The following EPS8 variants were observed in gnomAD, a reference collection of about 807,000 sequenced individuals.
EPS8 encodes the protein EGFR pathway substrate 8, signaling adaptor, also known as epidermal growth factor receptor kinase substrate 8.
EPS8 carries 42 observed loss-of-function variants against 103.8 expected under a neutral mutation model. That is an observed-to-expected ratio of 0.40 (90% CI 0.32 to 0.52). The LOEUF (loss-of-function observed/expected upper bound fraction) is 0.52. Among genes scored for constraint, EPS8 ranks in the 20% least tolerant of loss-of-function variants. The probability of loss-of-function intolerance (pLI) is 0.40; values close to 1 mark genes in which losing one functional copy is unlikely to be tolerated. For synonymous variants in EPS8, 344 were observed against 344.6 expected, an observed-to-expected ratio of 1.00 and a Z score of 0.02; for missense variants, 969 against 1,005.1, an observed-to-expected ratio of 0.96 and a Z score of 0.49.
intron 13 of EPS8, 126 bp downstream of exon 13, chr12:15,654,019 G>T: frequency 1.2e-6 from 1 of 849,420 alleles, no homozygotes; most frequent in Non-Finnish European, 1.8e-6. Context: ...TAGCCTTTAA[G>T]GGTTTAGGTT....
intron 18 of EPS8, 48 bp from the exon 19 acceptor site, chr12:15,624,455 C>T (rs1944911992): frequency 7.1e-7 from 1 of 1,399,174 alleles, no homozygotes; most frequent in South Asian, 1.4e-5. Context: ...CCTAATATTA[C>T]ATCACCCTCT....
chr12:15,647,666 A>T (rs1255832265), intron 14 of EPS8, among the ~76,000 whole-genome samples: 1 of 152,230 alleles, frequency 6.6e-6, no homozygotes. Context: ...TAAGGGAAAC[A>T]CAGAAAGGCA....
At position 15,733,478 on chromosome 12, in the gene EPS8, A is replaced by T. The variant is rs1946738547; in HGVS notation, c.-21-50506T>A. Among the ~76,000 whole-genome samples the T allele has an allele frequency of 6.6e-6, 1 of 152,244 alleles. No individual in the cohort carries two copies. On this transcript the variant is annotated intron_variant, in intron 1 of 20. Transcript: ENST00000281172. The surrounding 1 kb of genome is among the most constrained non-coding windows in gnomAD (Gnocchi z 4.8). The stretch of plus-strand genomic sequence containing the variant: ...AGATGAGATTTGGGTGAGGACACAG[A>T]GCCAATCCATATCATATTGTTCATT...
intron 18 of EPS8, 54 bp downstream of exon 18, chr12:15,631,387 CT>C (rs1945042049): frequency 6.2e-7 from 1 of 1,607,590 alleles, no homozygotes. Context: ...CAATATTTTA[CT>C]TAGTAGTGCT....
In EPS8 at chr12:15,771,033, AT is replaced by A. The variant is rs1210151818; in HGVS notation, c.-22+18127del. 6.6e-6 allele frequency among the ~76,000 whole-genome samples: 1 copy of A among 152,214 alleles called. No individual in the cohort carries two copies. The highest frequency in any genetic ancestry group is 2.4e-5 in the African/African-American group (1 of 41,452). ...CTGGTATCAGGTAACACACATGTAT[AT>A]AAATTACAGTTCACGAAAGAAAATA... On this transcript the variant is annotated intron_variant, in intron 1 of 20. Transcript: ENST00000281172. The surrounding 1 kb of genome is among the most constrained non-coding windows in gnomAD (Gnocchi z 4.6).
Position 15,759,482 on chromosome 12 carries a change from G to C in EPS8, c.-22+29679C>G, listed in dbSNP as rs1224436002. 6.6e-6 allele frequency among the ~76,000 whole-genome samples: 1 copy of C among 152,048 alleles called. No individual in the cohort carries two copies. The highest frequency in any genetic ancestry group is 1.9e-4 in the East Asian group (1 of 5,200). ...ACCTTTATACACTAAAAAGTCTTCA[G>C]TCTCTTAAACTTCAGTAGGAAAAAC... is the stretch of plus-strand genomic sequence containing the variant. On this transcript the variant is annotated intron_variant, in intron 1 of 20. Coordinates refer to ENST00000281172, the MANE Select transcript of EPS8 (RefSeq NM_004447.6). The surrounding 1 kb of genome is among the most constrained non-coding windows in gnomAD (Gnocchi z 4.9).
chr12:15,745,300 A>G lies in EPS8; in HGVS notation c.-22+43861T>C, dbSNP rs1225697879. 6.6e-6 allele frequency among the ~76,000 whole-genome samples: 1 copy of G among 152,216 alleles called. No homozygotes were observed. Among genetic ancestry groups the G allele is most frequent in the Non-Finnish European group, 1.5e-5 (1 of 68,030 alleles). ...ATTTTAGTTTCCTCACCTGAAAAAC[A>G]AAAGAACTAGAGTAGATCAGGATAG... On this transcript the variant is annotated intron_variant, in intron 1 of 20. Coordinates refer to ENST00000281172, the MANE Select transcript of EPS8 (RefSeq NM_004447.6). The surrounding 1 kb of genome is among the most constrained non-coding windows in gnomAD (Gnocchi z 4.6).
At chr12:15,754,860 T>A (rs78915504) in intron 1 of EPS8, among the ~76,000 whole-genome samples, 1 of 152,234 alleles carries the variant, frequency 6.6e-6, no homozygotes, top group Non-Finnish European at 1.5e-5. Context: ...GATATTGTGA[T>A]GTGACAAGGC....
At chr12:15,786,625 T>G (rs2136061733) in intron 1 of EPS8, among the ~76,000 whole-genome samples, 1 of 152,226 alleles carries the variant, frequency 6.6e-6, no homozygotes, top group Non-Finnish European at 1.5e-5. Flanking sequence ...ACACCGTATT[T>G]GTAGCTTTCC....
At chr12:15,689,971 G>A (rs1319433322) in intron 1 of EPS8, among the ~76,000 whole-genome samples, 1 of 152,094 alleles carries the variant, frequency 6.6e-6, no homozygotes, top group Non-Finnish European at 1.5e-5. Flanking sequence ...TGTATTAAAT[G>A]GCATCTAAAA....
At chr12:15,634,595 C>T in intron 17 of EPS8, 1 of 393,692 alleles carries the variant, frequency 2.5e-6, no homozygotes, top group Non-Finnish European at 4.5e-6. Flanking sequence ...CTAAATTACA[C>T]ATTTTTCCTC....
At chr12:15,673,435 T>A (rs2135860028) in intron 3 of EPS8, among the ~76,000 whole-genome samples, 1 of 152,308 alleles carries the variant, frequency 6.6e-6, no homozygotes, top group Non-Finnish European at 1.5e-5. Context: ...ATTTCTTTTT[T>A]ATGAGAATCA....
intron 1 of EPS8, among the ~76,000 whole-genome samples, chr12:15,718,353 G>C (rs1323085093): frequency 6.6e-6 from 1 of 152,076 alleles, no homozygotes; most frequent in Admixed American, 6.5e-5. Flanking sequence ...TAACCAAATA[G>C]TCACAAAACC....
At chr12:15,643,091 T>C (rs574228359) in intron 15 of EPS8, among the ~76,000 whole-genome samples, 3 of 152,332 alleles carry the variant, frequency 2.0e-5, no homozygotes, top group South Asian at 4.1e-4. Context: ...ATAGCTCTGC[T>C]TTCATTTACT....
rs552870307 is a variant in EPS8, at chr12:15,733,357, T to C, written c.-21-50385A>G. ...AGATCTCATGAGAACTCACTCTCTATCGTGAGAACAGCATGGGGAAAACCA... is the reference window on the plus strand; with the variant it reads ...AGATCTCATGAGAACTCACTCTCTACCGTGAGAACAGCATGGGGAAAACCA... On this transcript the variant is annotated intron_variant, in intron 1 of 20. Transcript: ENST00000281172. This position sits in a 1 kb window ranked among gnomAD's most constrained non-coding sequence, Gnocchi z 4.8. Among the ~76,000 whole-genome samples the C allele has an allele frequency of 2.0e-5, 3 of 152,240 alleles. 1 individual carries two copies. The highest frequency in any genetic ancestry group is 7.2e-5 in the African/African-American group (3 of 41,524).
chr12:15,666,324 A>C (rs1402317037), intron 7 of EPS8, 116 bp downstream of exon 7: 3 of 717,408 alleles, frequency 4.2e-6, no homozygotes, highest in Non-Finnish European at 6.9e-6. Context: ...ACTACAGGTT[A>C]TGATCTATAC....
In EPS8 at chr12:15,787,568, G is replaced by GA. The variant is rs956294408; in HGVS notation, c.-22+1592dup. Among the ~76,000 whole-genome samples, 10 of 152,180 alleles carry GA rather than the reference G, an allele frequency of 6.6e-5. No homozygotes were observed. The highest frequency in any genetic ancestry group is 2.4e-4 in the African/African-American group (10 of 41,540). ...ATAATATTCAATGACATTGGGAAGT[G>GA]AAAAAAATTACAAAGAGAATGCACC... On this transcript the variant is annotated intron_variant, in intron 1 of 20. Coordinates refer to ENST00000281172, the MANE Select transcript of EPS8 (RefSeq NM_004447.6). This position sits in a 1 kb window ranked among gnomAD's most constrained non-coding sequence, Gnocchi z 4.9.
In EPS8 at chr12:15,717,287, G is replaced by GA. The variant is rs1213846006; in HGVS notation, c.-21-34316dup. On this transcript the variant is annotated intron_variant, in intron 1 of 20. Transcript: ENST00000281172. The surrounding 1 kb of genome is among the most constrained non-coding windows in gnomAD (Gnocchi z 4.3). ...GGCTGTAGAGCTAGGATTAAAGGTAGAAAAAACAAAAAAAGGGAGCCAGGC... is the reference window on the plus strand; with the variant it reads ...GGCTGTAGAGCTAGGATTAAAGGTAGAAAAAAACAAAAAAAGGGAGCCAGGC... Among the ~76,000 whole-genome samples, 2 of 151,820 alleles carry GA rather than the reference G, an allele frequency of 1.3e-5. No individual in the cohort carries two copies. The highest frequency in any genetic ancestry group is 1.3e-4 in the Admixed American group (2 of 15,252).
chr12:15,730,249 G>A (rs1946699574), intron 1 of EPS8, among the ~76,000 whole-genome samples: 1 of 152,118 alleles, frequency 6.6e-6, no homozygotes, highest in African/African-American at 2.4e-5. Flanking sequence ...AAATAGGTAT[G>A]ATAATCATGA....
Sources: gnomAD v4.1 joint callset for allele counts (sites outside exome capture counted in the v4.1 genomes callset) on GRCh38, gnomAD v4.1.1 for gene constraint, Gnocchi (gnomAD v3.1) non-coding constraint, MANE v1.5 for transcripts, NCBI Gene and HGNC (gene_info 2026-07-23, HGNC 2026-07-21) for gene names.